PCSK5: variants seen among roughly 807,000 people sequenced by gnomAD.
PCSK5 encodes the protein prohormone convertase 5.
A neutral mutation model predicts 233.2 loss-of-function variants in PCSK5; 129 were observed. The observed-to-expected ratio is 0.55, with a 90% CI of 0.48 to 0.64. PCSK5 has a LOEUF of 0.64. PCSK5 is among the 30% of genes least tolerant of loss of function. The pLI is 0.00. For missense variants in PCSK5, 2,076 were observed against 2,430.1 expected, an observed-to-expected ratio of 0.85 and a Z score of 3.06; for synonymous variants, 825 against 879.2, an observed-to-expected ratio of 0.94 and a Z score of 1.09.
chr9:76,095,175 G>T (rs912889116), intron 7 of PCSK5, among the ~76,000 whole-genome samples: 1 of 152,092 alleles, frequency 6.6e-6, no homozygotes, highest in African/African-American at 2.4e-5. Context: ...TTTATTTATG[G>T]TAGCATCCAT....
At chr9:76,320,119 C>A (rs1039677236) in intron 30 of PCSK5, among the ~76,000 whole-genome samples, 1 of 152,130 alleles carries the variant, frequency 6.6e-6, no homozygotes, top group South Asian at 2.1e-4. Context: ...CCGAGCCCAG[C>A]TGTTTTCTCT....
At chr9:76,308,784 A>C in intron 29 of PCSK5, 56 bp downstream of exon 29, 14 of 1,079,916 alleles carry the variant, frequency 1.3e-5, no homozygotes, top group Non-Finnish European at 1.6e-5. Context: ...ATTGAAACTC[A>C]TGTGTAGTGG....
intron 20 of PCSK5, among the ~76,000 whole-genome samples, chr9:76,218,076 G>A (rs757591059): frequency 2.6e-5 from 4 of 152,104 alleles, no homozygotes; most frequent in Non-Finnish European, 5.9e-5. Flanking sequence ...GCAGTCCATA[G>A]GGGGACCAAG....
intron 10 of PCSK5, among the ~76,000 whole-genome samples, chr9:76,138,982 T>A (rs958648689): frequency 1.4e-5 from 2 of 148,138 alleles, no homozygotes; most frequent in African/African-American, 5.0e-5. Context: ...TTTTTTTTTT[T>A]AATTTCTAAC....
chr9:75,898,398 T>A (rs1825896584), intron 1 of PCSK5, among the ~76,000 whole-genome samples: 1 of 152,260 alleles, frequency 6.6e-6, no homozygotes, highest in Admixed American at 6.5e-5. Flanking sequence ...AAAGTTCATA[T>A]GCTGCTTAGT....
chr9:75,996,823 T>G (rs1827042098), intron 3 of PCSK5, among the ~76,000 whole-genome samples: 1 of 151,782 alleles, frequency 6.6e-6, no homozygotes, highest in South Asian at 2.1e-4. Flanking sequence ...AAGTTTTTTT[T>G]TTTTTTTTTA....
rs1825576190 is a variant in PCSK5 at position 75,891,138 on chromosome 9, G to A, written c.-44G>A. 2 of 1,426,756 alleles carry A rather than the reference G, an allele frequency of 1.4e-6. No homozygotes were observed. Among genetic ancestry groups the A allele is most frequent in the Admixed American group, 3.1e-5 (1 of 32,340 alleles). The allele number at this position is 1,426,756 out of a possible 1,614,324, so 88.4% of individuals were successfully genotyped here. ...AGTTAGTTGTGCGCGCCCTTAGTGC[G>A]CGGAACCAGCCAGCGAGCGAGGGAG... On this transcript the variant is annotated 5_prime_UTR_variant, in exon 1 of 38. Transcript: ENST00000674117.
chr9:76,017,781 A>G (rs1828009014), intron 3 of PCSK5, among the ~76,000 whole-genome samples: 1 of 152,124 alleles, frequency 6.6e-6, no homozygotes, highest in African/African-American at 2.4e-5. Context: ...AAGGATTTGA[A>G]GTCCATCAAA....
intron 3 of PCSK5, among the ~76,000 whole-genome samples, chr9:76,003,919 C>T (rs1253163870): frequency 2.6e-5 from 4 of 152,112 alleles, no homozygotes; most frequent in East Asian, 3.9e-4. Flanking sequence ...GGCAGTCCTC[C>T]GGAATAGCTA....
chr9:76,340,082 C>T (rs548561405), intron 35 of PCSK5, among the ~76,000 whole-genome samples: 102 of 152,230 alleles, frequency 6.7e-4, no homozygotes, highest in African/African-American at 2.4e-3. Context: ...TGTTAGTCCT[C>T]CCAGGAGTAT....
intron 6 of PCSK5, among the ~76,000 whole-genome samples, chr9:76,068,535 T>G (rs972698313): frequency 1.3e-5 from 2 of 152,228 alleles, no homozygotes; most frequent in African/African-American, 4.8e-5. Context: ...AATCTCCTTT[T>G]GTAATCCCAT....
At chr9:75,939,182 T>C (rs1295500917) in intron 2 of PCSK5, among the ~76,000 whole-genome samples, 1 of 152,230 alleles carries the variant, frequency 6.6e-6, no homozygotes, top group African/African-American at 2.4e-5. Context: ...AAGAATAGCC[T>C]TGAGTCACAC....
chr9:76,125,916 T>TA (rs1832831708), intron 9 of PCSK5, among the ~76,000 whole-genome samples: 1 of 151,744 alleles, frequency 6.6e-6, no homozygotes, highest in Non-Finnish European at 1.5e-5. Context: ...GCAATCTTTA[T>TA]AGCAGGAAAG....
At chr9:76,290,344 C>T (rs1828239532) in intron 24 of PCSK5, among the ~76,000 whole-genome samples, 1 of 152,292 alleles carries the variant, frequency 6.6e-6, no homozygotes, top group African/African-American at 2.4e-5. Flanking sequence ...TTCCCATGGT[C>T]ACCTCTAGCT....
chr9:75,968,975 T>C (rs1353107596), intron 2 of PCSK5, among the ~76,000 whole-genome samples: 2 of 136,232 alleles, frequency 1.5e-5, no homozygotes, highest in Middle Eastern at 4.8e-3. Context: ...GGAATTGCTA[T>C]AGAGAAGGTC....
intron 24 of PCSK5, chr9:76,288,105 G>T (rs1255725219): frequency 1.3e-5 from 2 of 152,246 alleles, no homozygotes; most frequent in African/African-American, 4.8e-5. Flanking sequence ...TGAGGTAGTG[G>T]TAGGTTTTAG....
rs117845785 is a variant in PCSK5, at chr9:76,216,459, G to A, written c.2627-11044G>A. 3.3e-5 allele frequency among the ~76,000 whole-genome samples: 5 copies of A among 152,284 alleles called. 1 individual carries two copies. In the South Asian group the frequency reaches 6.2e-4, roughly 19 times the overall value. On this transcript the variant is annotated intron_variant, in intron 20 of 37. Coordinates refer to ENST00000674117, the MANE Select transcript of PCSK5 (RefSeq NM_001372043.1). ...CTCACAACCAATTCCTGACCACTGT[G>A]CTAAGAGCTGGGTGAAGATCAGTGA... is the stretch of plus-strand genomic sequence containing the variant.
intron 3 of PCSK5, among the ~76,000 whole-genome samples, chr9:75,990,011 G>T (rs890408420): frequency 6.6e-6 from 1 of 152,120 alleles, no homozygotes; most frequent in Non-Finnish European, 1.5e-5. Flanking sequence ...AATCATAATT[G>T]TTGTTATTCT....
chr9:76,200,007 T>C (rs1470504704), intron 20 of PCSK5, among the ~76,000 whole-genome samples: 1 of 152,106 alleles, frequency 6.6e-6, no homozygotes, highest in Non-Finnish European at 1.5e-5. Context: ...TTCTGCCCAC[T>C]CCATAGCTGT....
Sources: allele counts gnomAD v4.1 joint callset (sites outside exome capture counted in the v4.1 genomes callset), GRCh38; gene constraint gnomAD v4.1.1; transcripts MANE v1.5; gene names NCBI Gene and HGNC (gene_info 2026-07-23, HGNC 2026-07-21).